The following NELL1 variants were observed in gnomAD, a reference collection of about 807,000 sequenced individuals.
The protein encoded by NELL1 is protein kinase C-binding protein NELL1.
A neutral mutation model predicts 107.4 loss-of-function variants in NELL1; 76 were observed. That is an observed-to-expected ratio of 0.71 (90% CI 0.59 to 0.86). The LOEUF is 0.86. Among genes scored for constraint, NELL1 ranks in the 40% least tolerant of loss-of-function variants. The probability of loss-of-function intolerance (pLI) is 0.00; values close to 1 mark genes in which losing one functional copy is unlikely to be tolerated. For missense variants in NELL1, 1,024 were observed against 1,005.5 expected, an observed-to-expected ratio of 1.02 and a Z score of -0.25; for synonymous variants, 353 against 341.2, an observed-to-expected ratio of 1.03 and a Z score of -0.38.
At chr11:21,246,784 C>A (rs192683646) in intron 14 of NELL1, among the ~76,000 whole-genome samples, 1 of 152,154 alleles carries the variant, frequency 6.6e-6, no homozygotes, top group Non-Finnish European at 1.5e-5. Flanking sequence ...CACAATTCCA[C>A]GTGGCTGAGG....
At chr11:20,876,092 G>A (rs943121578) in intron 4 of NELL1, among the ~76,000 whole-genome samples, 2 of 152,192 alleles carry the variant, frequency 1.3e-5, no homozygotes, top group Non-Finnish European at 2.9e-5. Context: ...CTTCAACTGT[G>A]TGCCTTCTCT....
At chr11:20,895,089 G>A (rs1849698583) in intron 5 of NELL1, among the ~76,000 whole-genome samples, 1 of 143,630 alleles carries the variant, frequency 7.0e-6, no homozygotes, top group South Asian at 2.2e-4. Flanking sequence ...GGCTAAAACG[G>A]TGAAACCCCG....
chr11:20,961,116 A>G (rs1379364379), intron 12 of NELL1, among the ~76,000 whole-genome samples: 1 of 152,138 alleles, frequency 6.6e-6, no homozygotes, highest in Admixed American at 6.6e-5. Context: ...GGCTGATGCC[A>G]TTACAGTGGG....
intron 2 of NELL1, among the ~76,000 whole-genome samples, chr11:20,744,886 A>G (rs1295888800): frequency 1.3e-5 from 2 of 152,066 alleles, no homozygotes; most frequent in African/African-American, 4.8e-5. Flanking sequence ...TCTTTTCCTT[A>G]CTGTTCCCTC....
At chr11:21,477,137 G>C (rs925333178) in intron 15 of NELL1, among the ~76,000 whole-genome samples, 1 of 152,094 alleles carries the variant, frequency 6.6e-6, no homozygotes, top group Non-Finnish European at 1.5e-5. Flanking sequence ...CCAAGGGAGT[G>C]CTTGCACCAC....
intron 13 of NELL1, among the ~76,000 whole-genome samples, chr11:21,115,331 A>AACACACAC (rs66507806): frequency 0.034 from 4,763 of 140,646 alleles, 101 homozygotes; most frequent in Middle Eastern, 0.044. Flanking sequence ...GTCTACATCA[A>AACACACAC]ACACACACAC....
intron 14 of NELL1, among the ~76,000 whole-genome samples, chr11:21,343,710 A>T (rs926756120): frequency 6.6e-6 from 1 of 152,180 alleles, no homozygotes; most frequent in Non-Finnish European, 1.5e-5. Flanking sequence ...ATGTAAATTA[A>T]TGAGCTTCAC....
chr11:20,906,679 T>C (rs1850005932), intron 5 of NELL1, among the ~76,000 whole-genome samples: 1 of 151,984 alleles, frequency 6.6e-6, no homozygotes, highest in Non-Finnish European at 1.5e-5. Flanking sequence ...AGGAGAATGG[T>C]TTAACATAAG....
chr11:20,747,825 A>T (rs1856038562), intron 2 of NELL1, among the ~76,000 whole-genome samples: 1 of 152,208 alleles, frequency 6.6e-6, no homozygotes, highest in Admixed American at 6.5e-5. Flanking sequence ...CTTCTTGAGC[A>T]TGGCAGCTGT....
chr11:21,091,192 T>C (rs1302577963), intron 12 of NELL1, among the ~76,000 whole-genome samples: 1 of 152,206 alleles, frequency 6.6e-6, no homozygotes, highest in African/African-American at 2.4e-5. Flanking sequence ...TTTCTGGAGC[T>C]GGGAAATATA....
chr11:20,701,231 G>GT (rs1854775680), intron 2 of NELL1, among the ~76,000 whole-genome samples: 1 of 152,080 alleles, frequency 6.6e-6, no homozygotes, highest in African/African-American at 2.4e-5. Flanking sequence ...TCTCATTGTG[G>GT]TTTTGATTTG....
At chr11:21,526,100 G>GTTAC (rs1040542741) in intron 15 of NELL1, among the ~76,000 whole-genome samples, 1 of 152,126 alleles carries the variant, frequency 6.6e-6, no homozygotes, top group African/African-American at 2.4e-5. Context: ...TCCAAAGCAA[G>GTTAC]TTACTTACCT....
chr11:21,521,522 G>A, intron 15 of NELL1, among the ~76,000 whole-genome samples: 1 of 127,072 alleles, frequency 7.9e-6, no homozygotes, highest in South Asian at 2.5e-4. Flanking sequence ...CTATATTGGT[G>A]ATTTTTTTTG....
At chr11:21,297,523 TA>T (rs1325235856) in intron 14 of NELL1, among the ~76,000 whole-genome samples, 1 of 152,050 alleles carries the variant, frequency 6.6e-6, no homozygotes, top group Non-Finnish European at 1.5e-5. Context: ...AGAATTAAGT[TA>T]TTTTGATCTG....
intron 13 of NELL1, among the ~76,000 whole-genome samples, chr11:21,133,978 A>C (rs116339947): frequency 5.9e-5 from 9 of 152,222 alleles, no homozygotes; most frequent in Non-Finnish European, 1.2e-4. Flanking sequence ...CCTCCACTGC[A>C]GCTGATGTCT....
chr11:21,178,065 G>A lies in NELL1; in HGVS notation c.1427-51267G>A, dbSNP rs146316681. On this transcript the variant is annotated intron_variant, in intron 13 of 19. Coordinates refer to ENST00000357134, the MANE Select transcript of NELL1 (RefSeq NM_006157.5). ...GTACATATTTTTCTCCAGATCTGTC[G>A]GTTGTCTCTTCACTCTGTTAATTGT... Among the ~76,000 whole-genome samples, 490 of 151,496 alleles carry A rather than the reference G, an allele frequency of 3.2e-3. 2 individuals are homozygous for A. Among genetic ancestry groups the A allele is most frequent in the Admixed American group, 7.0e-3 (106 of 15,244 alleles).
chr11:20,820,986 T>A (rs557907082), intron 3 of NELL1, among the ~76,000 whole-genome samples: 1 of 152,348 alleles, frequency 6.6e-6, no homozygotes, highest in Non-Finnish European at 1.5e-5. Flanking sequence ...CACTGCTATA[T>A]CCCAAGCACT....
chr11:21,056,503 G>A (rs1853619165), intron 12 of NELL1, among the ~76,000 whole-genome samples: 1 of 151,958 alleles, frequency 6.6e-6, no homozygotes, highest in African/African-American at 2.4e-5. Context: ...AATGAGGGAG[G>A]ATTATGTAAA....
intron 5 of NELL1, among the ~76,000 whole-genome samples, chr11:20,914,444 G>T (rs1027308673): frequency 6.6e-6 from 1 of 152,120 alleles, no homozygotes; most frequent in Non-Finnish European, 1.5e-5. Flanking sequence ...AGTAAAGAAT[G>T]TCTGGGTTCT....
Sources: gnomAD v4.1 joint callset for allele counts (sites outside exome capture counted in the v4.1 genomes callset) on GRCh38, gnomAD v4.1.1 for gene constraint, MANE v1.5 for transcripts, NCBI Gene and HGNC (gene_info 2026-07-23, HGNC 2026-07-21) for gene names.